The following HSD17B12 variants were observed in gnomAD, a reference collection of about 807,000 sequenced individuals.
HSD17B12 encodes hydroxysteroid 17-beta dehydrogenase 12.
HSD17B12 carries 32 observed loss-of-function variants against 39.3 expected under a neutral mutation model. The ratio of observed to expected loss-of-function variants is 0.81; its 90% CI spans 0.61 to 1.09. HSD17B12 has a LOEUF of 1.09. Among genes scored for constraint, HSD17B12 ranks in the 50% least tolerant of loss-of-function variants. The pLI is 0.00. For missense variants in HSD17B12, 342 were observed against 382.9 expected, an observed-to-expected ratio of 0.89 and a Z score of 0.89; for synonymous variants, 150 against 146.7, an observed-to-expected ratio of 1.02 and a Z score of -0.16.
At chr11:43,641,956 C>T in the HSD17B12 span, among the ~76,000 whole-genome samples, 3 of 151,794 alleles carry the variant, frequency 2.0e-5, no homozygotes, top group Non-Finnish European at 4.4e-5. Flanking sequence ...CAAATTTGCA[C>T]ATTCTAGCTT....
At position 43,791,531 on chromosome 11, in the gene HSD17B12, C is replaced by CA. The variant is rs1255094996; in HGVS notation, c.284-6777dup. Reference sequence around the variant, plus strand: ...TGGGTGACAGAGTGAGACTCTGTCTCAAAAAAAAAAAAGAAGAAGAAGAAG... The same window carrying CA: ...TGGGTGACAGAGTGAGACTCTGTCTCAAAAAAAAAAAAAGAAGAAGAAGAAG... On this transcript the variant is annotated intron_variant, in intron 3 of 10. Coordinates refer to ENST00000278353, the MANE Select transcript of HSD17B12 (RefSeq NM_016142.3). Among the ~76,000 whole-genome samples, 228 of 131,506 alleles carry CA rather than the reference C, an allele frequency of 1.7e-3. 1 individual carries two copies. Among genetic ancestry groups the CA allele is most frequent in the Middle Eastern group, 8.1e-3 (2 of 246 alleles). 86.3% of individuals were successfully genotyped at this position (131,506 alleles called of 152,430 possible).
chr11:43,586,975 G>A, the HSD17B12 span, among the ~76,000 whole-genome samples: 3 of 152,122 alleles, frequency 2.0e-5, no homozygotes, highest in African/African-American at 4.8e-5. Context: ...CAGATTGGGA[G>A]GAAGAAAAAT....
At chr11:43,596,331 G>C in the HSD17B12 span, among the ~76,000 whole-genome samples, 1 of 152,132 alleles carries the variant, frequency 6.6e-6, no homozygotes, top group Admixed American at 6.5e-5. Flanking sequence ...CCAGAGATGG[G>C]TATTGAGTTC....
At chr11:43,585,503 A>C in the HSD17B12 span, among the ~76,000 whole-genome samples, 121 of 152,324 alleles carry the variant, frequency 7.9e-4, no homozygotes, top group African/African-American at 2.7e-3. Flanking sequence ...AGATCTTCAG[A>C]TCTTTATACA....
In HSD17B12 at chr11:43,711,634, C is replaced by T. The variant is rs752564144; in HGVS notation, c.160+30647C>T. Among the ~76,000 whole-genome samples, 28 of 152,092 alleles carry T rather than the reference C, an allele frequency of 1.8e-4. No individual in the cohort carries two copies. In the Middle Eastern group the frequency reaches 0.014, roughly 74 times the overall value. ...CAGCTACACATGTGTACTACCACAC[C>T]TGACTAATTTTTATATTTTGAGTAG... On this transcript the variant is annotated intron_variant, in intron 1 of 10. Transcript: ENST00000278353.
chr11:43,693,358 C>T (rs1949880441), intron 1 of HSD17B12, among the ~76,000 whole-genome samples: 1 of 152,206 alleles, frequency 6.6e-6, no homozygotes, highest in Non-Finnish European at 1.5e-5. Flanking sequence ...CATCATCACA[C>T]ATTCCTGAAA....
chr11:43,644,341 C>T, the HSD17B12 span: 1 of 152,228 alleles, frequency 6.6e-6, no homozygotes, highest in East Asian at 1.9e-4. Flanking sequence ...CAACAGCCCC[C>T]CAGGTTGCCA....
chr11:43,718,806 C>G (rs1590690254), intron 1 of HSD17B12: 1 of 929,256 alleles, frequency 1.1e-6, no homozygotes, highest in African/African-American at 1.6e-5. Context: ...CGCACGTCAC[C>G]CGCCTTCTGG....
intron 6 of HSD17B12, chr11:43,829,758 G>T (rs11037662): frequency 0.13 from 19,131 of 152,024 alleles, 1,931 homozygotes; most frequent in East Asian, 0.55. Flanking sequence ...TCTGTTTCTG[G>T]TGATCTCAGA....
chr11:43,726,877 G>A (rs1950226329), intron 1 of HSD17B12, among the ~76,000 whole-genome samples: 2 of 152,164 alleles, frequency 1.3e-5, no homozygotes, highest in Admixed American at 6.5e-5. Flanking sequence ...AAATATAAAT[G>A]TATAAAAATA....
chr11:43,759,101 T>C (rs978119766), intron 3 of HSD17B12, among the ~76,000 whole-genome samples: 1 of 152,176 alleles, frequency 6.6e-6, no homozygotes, highest in South Asian at 2.1e-4. Context: ...GTTGAACTCA[T>C]CGTTCTTACT....
chr11:43,688,516 A>G (rs1676943191), intron 1 of HSD17B12, among the ~76,000 whole-genome samples: 1 of 152,252 alleles, frequency 6.6e-6, no homozygotes, highest in African/African-American at 2.4e-5. Flanking sequence ...ATTTTTGTCT[A>G]CAAAACAATG....
intron 1 of HSD17B12, among the ~76,000 whole-genome samples, chr11:43,735,126 T>C (rs1950305173): frequency 6.6e-6 from 1 of 152,258 alleles, no homozygotes; most frequent in Non-Finnish European, 1.5e-5. Context: ...GGCTGAATAA[T>C]ATTCCATTGT....
At chr11:43,617,866 G>A in the HSD17B12 span, among the ~76,000 whole-genome samples, 2 of 152,132 alleles carry the variant, frequency 1.3e-5, no homozygotes, top group Non-Finnish European at 2.9e-5. Flanking sequence ...TGCAAGGTTC[G>A]TGATTAGTGA....
At chr11:43,648,546 T>G in the HSD17B12 span, among the ~76,000 whole-genome samples, 2 of 152,226 alleles carry the variant, frequency 1.3e-5, no homozygotes, top group Admixed American at 6.5e-5. Context: ...TGCCCAACAC[T>G]AAATATAATG....
intron 1 of HSD17B12, among the ~76,000 whole-genome samples, chr11:43,740,543 G>A (rs1028298374): frequency 9.2e-5 from 14 of 152,112 alleles, no homozygotes; most frequent in African/African-American, 3.4e-4. Flanking sequence ...GTAATTCAGT[G>A]GTGTTATCAG....
the HSD17B12 span, among the ~76,000 whole-genome samples, chr11:43,613,888 A>G: frequency 6.6e-6 from 1 of 152,118 alleles, no homozygotes; most frequent in East Asian, 1.9e-4. Context: ...GCTGGCCTCA[A>G]ACTCCTAACC....
rs564750697 is a variant in HSD17B12 at position 43,772,914 on chromosome 11, C to A, written c.283+18793C>A. 3.5e-3 allele frequency among the ~76,000 whole-genome samples: 534 copies of A among 152,190 alleles called. 2 individuals carry two copies. The highest frequency in any genetic ancestry group is 8.3e-3 in the South Asian group (40 of 4,818). On this transcript the variant is annotated intron_variant, in intron 3 of 10. Transcript: ENST00000278353. ...TCGCTTGAGCCCAGGCGTTTGAGAC[C>A]AGCCTGGGCAATATAGTGAGACCCC...
chr11:43,584,109 T>G, the HSD17B12 span, among the ~76,000 whole-genome samples: 2 of 152,140 alleles, frequency 1.3e-5, no homozygotes, highest in African/African-American at 2.4e-5. Context: ...GACCACACCC[T>G]GGGTGATCTG....
Sources: allele counts gnomAD v4.1 joint callset (sites outside exome capture counted in the v4.1 genomes callset), GRCh38; gene constraint gnomAD v4.1.1; transcripts MANE v1.5; gene names NCBI Gene and HGNC (gene_info 2026-07-23, HGNC 2026-07-21).